The following TRMT11 variants were observed in gnomAD, a reference collection of about 807,000 sequenced individuals.
TRMT11 encodes tRNA methyltransferase 11, also known as tRNA (guanine(10)-N(2))-methyltransferase TRMT11.
Under a neutral mutation model 62.8 loss-of-function variants are expected in TRMT11, and 53 were observed. That is an observed-to-expected ratio of 0.84 (90% CI 0.68 to 1.06). The LOEUF (loss-of-function observed/expected upper bound fraction) is 1.06. Among genes scored for constraint, TRMT11 ranks in the 50% least tolerant of loss-of-function variants. The pLI, the probability that TRMT11 is intolerant of heterozygous loss-of-function variation, is 0.00. For missense variants in TRMT11, 556 were observed against 553.4 expected (o/e 1.00, Z -0.05); for synonymous variants, 188 against 190.3 (o/e 0.99, Z 0.10).
At chr6:126,175,678 C>T (rs1778377625), upstream of TRMT11, among the ~76,000 whole-genome samples, 1 of 152,142 alleles carries the variant, frequency 6.6e-6, no homozygotes, top group South Asian at 2.1e-4. Context: ...AATGAACATA[C>T]AGAAAAGGCA....
chr6:126,143,551 A>G (rs1367702918), intron 21 of TRMT11, among the ~76,000 whole-genome samples: 1 of 152,166 alleles, frequency 6.6e-6, no homozygotes, highest in East Asian at 1.9e-4. Flanking sequence ...GAAAAGAATT[A>G]AGAATTGTCT....
chr6:126,163,791 T>C (rs1778226152), intron 21 of TRMT11, among the ~76,000 whole-genome samples: 1 of 152,108 alleles, frequency 6.6e-6, no homozygotes, highest in African/African-American at 2.4e-5. Context: ...CTGATGGTAG[T>C]TTGTATTTCT....
intron 21 of TRMT11, among the ~76,000 whole-genome samples, chr6:126,142,173 G>C (rs535480296): frequency 6.6e-6 from 1 of 152,120 alleles, no homozygotes; most frequent in East Asian, 1.9e-4. Context: ...TTCATCCCTG[G>C]AGAAGAAGAT....
intron 12 of TRMT11, among the ~76,000 whole-genome samples, chr6:126,028,461 A>G (rs905902040): frequency 6.1e-4 from 93 of 152,288 alleles, no homozygotes; most frequent in African/African-American, 2.2e-3. Context: ...AATTTGCATT[A>G]TTTATAAATT....
the TRMT11 span, among the ~76,000 whole-genome samples, chr6:126,225,223 C>T: frequency 6.6e-6 from 1 of 152,160 alleles, no homozygotes; most frequent in African/African-American, 2.4e-5. Flanking sequence ...GTAGTCTTGT[C>T]CTTAACAATT....
chr6:126,014,615 C>T (rs1794717076), intron 11 of TRMT11, among the ~76,000 whole-genome samples: 1 of 152,098 alleles, frequency 6.6e-6, no homozygotes. Flanking sequence ...ATTGGTAGTC[C>T]CTCAGGCTTT....
At chr6:126,206,406 G>A (rs138845296), downstream of TRMT11, among the ~76,000 whole-genome samples, 553 of 152,200 alleles carry the variant, frequency 3.6e-3, 1 homozygote, top group African/African-American at 0.012. Context: ...CAAGTTCCCC[G>A]GTTATGTCAA....
intron 7 of TRMT11, among the ~76,000 whole-genome samples, chr6:126,003,685 G>A (rs1483669051): frequency 6.6e-6 from 1 of 151,916 alleles, no homozygotes; most frequent in Non-Finnish European, 1.5e-5. Context: ...TCTTTGATTT[G>A]TCTTTTTTTG....
At chr6:126,143,204 A>G (rs896750904) in intron 21 of TRMT11, among the ~76,000 whole-genome samples, 13 of 152,124 alleles carry the variant, frequency 8.5e-5, no homozygotes, top group Admixed American at 2.6e-4. Context: ...TTTTCTGAGT[A>G]TTAACATTTG....
intron 17 of TRMT11, among the ~76,000 whole-genome samples, chr6:126,101,814 C>G (rs1777405197): frequency 6.6e-6 from 1 of 152,196 alleles, no homozygotes; most frequent in Non-Finnish European, 1.5e-5. Flanking sequence ...CGTTTCCCTC[C>G]ATACCTTTCA....
At chr6:126,196,145 GGA>G (rs1315451701) in intron 1 of TRMT11, among the ~76,000 whole-genome samples, 13 of 152,066 alleles carry the variant, frequency 8.5e-5, no homozygotes, top group African/African-American at 3.1e-4. Flanking sequence ...CTAGTACCCT[GGA>G]AAGTCAAAAA....
At chr6:126,059,037 C>G (rs960866245) in intron 17 of TRMT11, among the ~76,000 whole-genome samples, 2 of 149,010 alleles carry the variant, frequency 1.3e-5, no homozygotes, top group Non-Finnish European at 3.0e-5. Flanking sequence ...TTCTCTCTCT[C>G]TACTTATCTT....
intron 11 of TRMT11, among the ~76,000 whole-genome samples, chr6:126,018,484 A>G (rs1306946946): frequency 6.6e-6 from 1 of 152,034 alleles, no homozygotes; most frequent in Non-Finnish European, 1.5e-5. Flanking sequence ...TTTAATTGAC[A>G]TAGAATTTGT....
intron 21 of TRMT11, among the ~76,000 whole-genome samples, chr6:126,162,436 C>T (rs1168714187): frequency 6.6e-6 from 1 of 152,146 alleles, no homozygotes; most frequent in Admixed American, 6.5e-5. Context: ...TGTTTTGTTA[C>T]CAGTACCATT....
At chr6:126,073,755 T>C (rs956612351) in intron 17 of TRMT11, among the ~76,000 whole-genome samples, 4 of 152,154 alleles carry the variant, frequency 2.6e-5, no homozygotes, top group Non-Finnish European at 5.9e-5. Flanking sequence ...GGGAGGACTC[T>C]GTTTATTAGT....
chr6:126,207,294 C>T (rs1015054804), downstream of TRMT11, among the ~76,000 whole-genome samples: 1 of 152,100 alleles, frequency 6.6e-6, no homozygotes, highest in Non-Finnish European at 1.5e-5. Flanking sequence ...GGGGTATTGT[C>T]CCTGGATCAT....
At chr6:126,002,947 A>G (rs1792765898) in intron 7 of TRMT11, among the ~76,000 whole-genome samples, 1 of 151,982 alleles carries the variant, frequency 6.6e-6, no homozygotes, top group African/African-American at 2.4e-5. Context: ...TGCTTTTTTC[A>G]CTTAATGGTA....
At chr6:126,027,670 A>G in intron 12 of TRMT11, among the ~76,000 whole-genome samples, 1 of 152,146 alleles carries the variant, frequency 6.6e-6, no homozygotes, top group East Asian at 1.9e-4. Flanking sequence ...TATAGTTTAG[A>G]TTATTTAAAA....
chr6:125,998,194 C>G (rs75259867), intron 4 of TRMT11, 29 bp from the exon 5 acceptor site: 5 of 1,593,036 alleles, frequency 3.1e-6, no homozygotes, highest in Non-Finnish European at 2.6e-6. Flanking sequence ...AATTAAAATA[C>G]TCAAAAAACT....
Sources: gnomAD v4.1 joint callset for allele counts (sites outside exome capture counted in the v4.1 genomes callset) on GRCh38, gnomAD v4.1.1 for gene constraint, MANE v1.5 for transcripts, NCBI Gene and HGNC (gene_info 2026-07-23, HGNC 2026-07-21) for gene names.